Variants in PSD2 observed in about 807,000 individuals in gnomAD.
PSD2 encodes PH and SEC7 domain-containing protein 2.
PSD2 carries 38 observed loss-of-function variants against 69.8 expected under a neutral mutation model. The observed-to-expected ratio is 0.54, with a 90% CI of 0.42 to 0.71. PSD2 has a LOEUF of 0.71. Among genes scored for constraint, PSD2 ranks in the 30% least tolerant of loss-of-function variants. The probability of loss-of-function intolerance (pLI) is 0.00; values close to 1 mark genes in which losing one functional copy is unlikely to be tolerated. For synonymous variants in PSD2, 412 were observed against 423.0 expected, an observed-to-expected ratio of 0.97 and a Z score of 0.32; for missense variants, 943 against 1,014.5, an observed-to-expected ratio of 0.93 and a Z score of 0.96.
chr5:139,782,016 C>G, the PSD2 span, among the ~76,000 whole-genome samples: 22 of 152,122 alleles, frequency 1.4e-4, no homozygotes, highest in Non-Finnish European at 2.9e-4. Flanking sequence ...GCCCAGGGGC[C>G]CGAGAAAACA....
chr5:139,793,896 G>A (rs1463823217), upstream of PSD2, among the ~76,000 whole-genome samples: 1 of 152,192 alleles, frequency 6.6e-6, no homozygotes, highest in Non-Finnish European at 1.5e-5. Flanking sequence ...GGAAGTAGGA[G>A]CCCAGAAAGG....
rs1264123936 is a variant in PSD2, at chr5:139,843,640, T to A, written c.*1166T>A. The stretch of plus-strand genomic sequence containing the variant: ...TTCTTGGTTGTGGGAAAAGGTGGAA[T>A]GACAAGTTATTGATTGTTTTTCTGT... On this transcript the variant is annotated 3_prime_UTR_variant, in exon 15 of 15. Coordinates refer to ENST00000274710, the MANE Select transcript of PSD2 (RefSeq NM_032289.4). The A allele has an allele frequency of 6.6e-6, 1 of 152,266 alleles. No individual in the cohort carries two copies. 9.4% of individuals were successfully genotyped at this position (152,266 alleles called of 1,614,324 possible).
At chr5:139,766,915 TCC>T in the PSD2 span, among the ~76,000 whole-genome samples, 74 of 25,134 alleles carry the variant, frequency 2.9e-3, 3 homozygotes, top group African/African-American at 7.2e-3. Flanking sequence ...CTCCCTTCCT[TCC>T]TTCCTTCCTT....
chr5:139,777,691 C>G, the PSD2 span, among the ~76,000 whole-genome samples: 1 of 152,096 alleles, frequency 6.6e-6, no homozygotes, highest in Non-Finnish European at 1.5e-5. Context: ...CGAGATGAGC[C>G]TGTGCAACAT....
At chr5:139,771,417 CGCCCAGGCTGGAGT>C in the PSD2 span, among the ~76,000 whole-genome samples, 11 of 152,026 alleles carry the variant, frequency 7.2e-5, no homozygotes, top group South Asian at 2.1e-3. Flanking sequence ...CTCACTCTGT[CGCCCAGGCTGGAGT>C]GCAGTGGCAC....
Position 139,814,476 on chromosome 5 carries a change from C to A in PSD2, c.1016+112C>A. The A allele has an allele frequency of 2.1e-6, 2 of 932,468 alleles. No homozygotes were observed. Among genetic ancestry groups the A allele is most frequent in the South Asian group, 1.9e-5 (1 of 51,726 alleles). 57.8% of individuals were successfully genotyped at this position (932,468 alleles called of 1,614,324 possible). The stretch of plus-strand genomic sequence containing the variant: ...GTGCCAGGTGCTGGGGGGGCACTCC[C>A]AACAGTTCCCCAAGGACACCTCCTC... On this transcript the variant is annotated intron_variant, in intron 4 of 14. Transcript: ENST00000274710. This position sits in a 1 kb window ranked among gnomAD's most constrained non-coding sequence, Gnocchi z 4.4.
At chr5:139,822,584 C>T (rs1760298433) in intron 6 of PSD2, 142 bp from the exon 7 acceptor site, 1 of 629,244 alleles carries the variant, frequency 1.6e-6, no homozygotes, top group South Asian at 2.4e-5. Flanking sequence ...TGGAGCGTCA[C>T]ACAGGCCCTG....
At chr5:139,811,669 A>G (rs986284742) in intron 2 of PSD2, among the ~76,000 whole-genome samples, 2 of 151,284 alleles carry the variant, frequency 1.3e-5, no homozygotes, top group Non-Finnish European at 2.9e-5. Context: ...ATCTCAACTC[A>G]CTGCAAGCTC....
At chr5:139,836,511 C>T (rs1298814543) in intron 9 of PSD2, among the ~76,000 whole-genome samples, 1 of 152,174 alleles carries the variant, frequency 6.6e-6, no homozygotes, top group African/African-American at 2.4e-5. Flanking sequence ...AGAAGGAAGA[C>T]TAGGAAGGAG....
At chr5:139,815,748 C>G (rs994595748) in intron 4 of PSD2, among the ~76,000 whole-genome samples, 3 of 152,058 alleles carry the variant, frequency 2.0e-5, no homozygotes, top group African/African-American at 7.2e-5. Flanking sequence ...AATCCCAGCA[C>G]TTTGGGAGGC....
chr5:139,766,822 CCCTT>C, the PSD2 span, among the ~76,000 whole-genome samples: 47 of 51,348 alleles, frequency 9.2e-4, 2 homozygotes, highest in African/African-American at 2.0e-3. Flanking sequence ...CTGGGCAAGT[CCCTT>C]CCTTCTTTCT....
At chr5:139,804,454 C>T (rs1158085444) in intron 1 of PSD2, among the ~76,000 whole-genome samples, 1 of 152,166 alleles carries the variant, frequency 6.6e-6, no homozygotes, top group East Asian at 1.9e-4. Context: ...ATGTTGCACA[C>T]ATTTGTGAGA....
At chr5:139,780,543 A>C in the PSD2 span, among the ~76,000 whole-genome samples, 1 of 152,080 alleles carries the variant, frequency 6.6e-6, no homozygotes, top group African/African-American at 2.4e-5. Context: ...TCCTGGGTTC[A>C]AGTGATTCTC....
At chr5:139,745,736 C>T in the PSD2 span, among the ~76,000 whole-genome samples, 25 of 152,214 alleles carry the variant, frequency 1.6e-4, 2 homozygotes, top group Admixed American at 1.6e-3. Context: ...CCCCGAGGCC[C>T]CCGCCTGGGG....
chr5:139,753,743 C>A, the PSD2 span, among the ~76,000 whole-genome samples: 1 of 152,180 alleles, frequency 6.6e-6, no homozygotes, highest in Non-Finnish European at 1.5e-5. Flanking sequence ...TCTCAGGACG[C>A]CTGCTGCATG....
At chr5:139,766,910 TTC>T in the PSD2 span, among the ~76,000 whole-genome samples, 17 of 51,010 alleles carry the variant, frequency 3.3e-4, 1 homozygote, top group Admixed American at 1.1e-3. Flanking sequence ...TTTCCCTCCC[TTC>T]CTTCCTTCCT....
the PSD2 span, among the ~76,000 whole-genome samples, chr5:139,782,173 T>G: frequency 1.3e-5 from 2 of 152,130 alleles, no homozygotes; most frequent in East Asian, 3.9e-4. Context: ...TTATCTAGTT[T>G]TTTTTGTTTG....
intron 13 of PSD2, 148 bp downstream of exon 13, chr5:139,838,920 C>T: frequency 1.2e-6 from 1 of 813,310 alleles, no homozygotes; most frequent in Non-Finnish European, 1.9e-6. Context: ...CCCTCCATCC[C>T]AAGCACCCCA....
At chr5:139,826,703 C>G (rs919979020) in intron 7 of PSD2, among the ~76,000 whole-genome samples, 1 of 152,204 alleles carries the variant, frequency 6.6e-6, no homozygotes, top group African/African-American at 2.4e-5. Context: ...CAGCTACTTA[C>G]TGTTTGAAAA....
Sources: gnomAD v4.1 joint callset for allele counts (sites outside exome capture counted in the v4.1 genomes callset) on GRCh38, gnomAD v4.1.1 for gene constraint, Gnocchi (gnomAD v3.1) non-coding constraint, MANE v1.5 for transcripts, NCBI Gene and HGNC (gene_info 2026-07-23, HGNC 2026-07-21) for gene names.